The following GMNN variants were observed in gnomAD, a reference collection of about 807,000 sequenced individuals.
The protein encoded by GMNN is geminin.
GMNN carries 14 observed loss-of-function variants against 20.9 expected under a neutral mutation model. The observed-to-expected ratio is 0.67, with a 90% confidence interval of 0.44 to 1.05. The LOEUF (loss-of-function observed/expected upper bound fraction) is 1.05, where lower values mean the gene tolerates loss of function less well. GMNN is among the 50% of genes least tolerant of loss of function. The pLI is 0.00. For missense variants in GMNN, 227 were observed against 243.8 expected, an observed-to-expected ratio of 0.93 and a Z score of 0.46; for synonymous variants, 81 against 85.8, an observed-to-expected ratio of 0.94 and a Z score of 0.31.
At chr6:24,781,083 A>C (rs764574532) in intron 3 of GMNN, among the ~76,000 whole-genome samples, 19 of 152,064 alleles carry the variant, frequency 1.2e-4, no homozygotes, top group Middle Eastern at 3.2e-3. Context: ...CACACCTATA[A>C]TCTCAGCTGC....
chr6:24,778,127 G>A (rs910886314), intron 2 of GMNN, among the ~76,000 whole-genome samples: 1 of 152,150 alleles, frequency 6.6e-6, no homozygotes, highest in African/African-American at 2.4e-5. Context: ...ATTTAGCTAG[G>A]TCCTTCCACA....
At chr6:24,778,203 T>G (rs2245612) in intron 2 of GMNN, among the ~76,000 whole-genome samples, 151,398 of 152,310 alleles carry the variant, frequency 0.99, 75,246 homozygotes, top group Middle Eastern at 1. Flanking sequence ...CAATTTGCGG[T>G]TTTAAATAAA....
At position 24,774,948 on chromosome 6, in the gene GMNN, A is replaced by G. The variant is rs993187529; in HGVS notation, c.-322A>G. On this transcript the variant is annotated 5_prime_UTR_variant, in exon 1 of 7. Transcript: ENST00000230056. ...CGCCCCTCGTCTGCGTCAGTTGGTC[A>G]CGTGGTTGTTCGGAGCGGGCGAGCG... 1 of 152,260 alleles carries G rather than the reference A, an allele frequency of 6.6e-6. No individual in the cohort carries two copies. Among genetic ancestry groups the G allele is most frequent in the African/African-American group, 2.4e-5 (1 of 41,466 alleles). 9.4% of individuals were successfully genotyped at this position (152,260 alleles called of 1,614,324 possible).
chr6:24,781,513 G>T lies in GMNN; in HGVS notation c.166G>T (p.Asp56Tyr), dbSNP rs377097389. 1.9e-6 allele frequency: 3 copies of T among 1,596,892 alleles called. No homozygotes were observed. Among genetic ancestry groups the T allele is most frequent in the South Asian group, 2.2e-5 (2 of 89,798 alleles). The change falls in exon 4 of 7, where the codon GAC (aspartate) becomes TAC (tyrosine). Residue 56 changes from aspartate (D) to tyrosine (Y), a missense_variant. Coordinates refer to ENST00000230056, the MANE Select transcript of GMNN (RefSeq NM_015895.5). ...CTTGTCCAAAAGGAAACATCGGAATGACCACTTAACATCTACAACTTCCAG... is the reference window on the plus strand; with the variant it reads ...CTTGTCCAAAAGGAAACATCGGAATTACCACTTAACATCTACAACTTCCAG... ...AGLSKRKHRNDHLTSTTSSPG... is the reference protein window; with the variant it reads ...AGLSKRKHRNYHLTSTTSSPG...
intron 2 of GMNN, among the ~76,000 whole-genome samples, chr6:24,778,837 G>A (rs1780138961): frequency 6.6e-6 from 1 of 152,064 alleles, no homozygotes; most frequent in East Asian, 1.9e-4. Context: ...GGCCAATCTG[G>A]TTTCATCTAT....
chr6:24,784,590 G>A (rs777789042), intron 6 of GMNN, 36 bp downstream of exon 6: 1 of 897,130 alleles, frequency 1.1e-6, no homozygotes, highest in South Asian at 1.4e-5. Flanking sequence ...TCAAATTTAT[G>A]TATTTTTCTA....
rs201229321 is a variant in GMNN at position 24,785,635 on chromosome 6, A to G, written c.469-3A>G. On this transcript the variant is annotated splice_polypyrimidine_tract_variant and splice_region_variant and intron_variant, in intron 6 of 6. Coordinates refer to ENST00000230056, the MANE Select transcript of GMNN (RefSeq NM_015895.5). ...AATAAATTATTGGTTTATTCTTTAA[A>G]AGAGACTGAATGGTGAACCTCTGGA... 293 of 1,435,910 alleles carry G rather than the reference A, an allele frequency of 2.0e-4. No homozygotes were observed. The highest frequency in any genetic ancestry group is 2.3e-4 in the Non-Finnish European group (240 of 1,037,378). 88.9% of individuals were successfully genotyped at this position (1,435,910 alleles called of 1,614,324 possible). A position where few individuals can be genotyped will look rare whatever the true frequency, so the allele number is the denominator to read the frequency against.
chr6:24,780,537 G>A, intron 2 of GMNN, 126 bp from the exon 3 acceptor site: 1 of 587,532 alleles, frequency 1.7e-6, no homozygotes, highest in Non-Finnish European at 3.1e-6. Flanking sequence ...TGTTTGTGTT[G>A]TTAGTGTTCC....
Position 24,783,888 on chromosome 6 carries a change from T to C in GMNN, c.275-199T>C, listed in dbSNP as rs563527692. 4.6e-5 allele frequency among the ~76,000 whole-genome samples: 7 copies of C among 152,220 alleles called. No individual in the cohort carries two copies. The East Asian group carries it at 7.7e-4, about 17-fold the overall frequency. ...GGAAGATATATACGTATTGTACTTTTGTTGTAATTCTGAAGGATTGAAATC... is the reference window on the plus strand; with the variant it reads ...GGAAGATATATACGTATTGTACTTTCGTTGTAATTCTGAAGGATTGAAATC... On this transcript the variant is annotated intron_variant, in intron 4 of 6. Transcript: ENST00000230056.
intron 4 of GMNN, 110 bp downstream of exon 4, chr6:24,781,731 C>T (rs922884443): frequency 3.2e-5 from 16 of 493,664 alleles, no homozygotes; most frequent in African/African-American, 3.2e-4. Context: ...GATAGTATAA[C>T]AGCACTATAA....
intron 2 of GMNN, among the ~76,000 whole-genome samples, chr6:24,780,083 G>C (rs1296122130): frequency 6.6e-6 from 1 of 152,152 alleles, no homozygotes; most frequent in Admixed American, 6.5e-5. Flanking sequence ...TTTTGATTAG[G>C]GAAAGAAATA....
intron 4 of GMNN, among the ~76,000 whole-genome samples, chr6:24,782,090 G>C (rs1462184776): frequency 1.3e-5 from 2 of 149,616 alleles, no homozygotes; most frequent in East Asian, 1.9e-4. Context: ...GTCTCTGAAG[G>C]AAAAAAAAAG....
At chr6:24,785,546 AT>A in intron 6 of GMNN, 91 bp from the exon 7 acceptor site, 1 of 570,206 alleles carries the variant, frequency 1.8e-6, no homozygotes, top group Non-Finnish European at 3.0e-6. Context: ...TCATAGCTAT[AT>A]CAGTATGCTA....
At position 24,784,134 on chromosome 6, in the gene GMNN, A is replaced by G; in HGVS notation, c.322A>G (p.Lys108Glu). 1 of 1,535,584 alleles carries G rather than the reference A, an allele frequency of 6.5e-7. No homozygotes were observed. Among genetic ancestry groups the G allele is most frequent in the Non-Finnish European group, 9.0e-7 (1 of 1,110,334 alleles). ...YWKEVAEKRR[K>E]ALYEALKENE... ...GAAGGAAGTGGCAGAAAAACGGAGA[A>G]AGGCGCTGTATGAAGCACTTAAGGA... Residue 108 changes from lysine (K) to glutamate (E), a missense_variant, in exon 5 of 7, where the codon AAG becomes GAG. Physicochemically the swap from Lys to Glu is moderately conservative, Grantham distance 56. Transcript: ENST00000230056.
At chr6:24,776,998 A>C in intron 1 of GMNN, 1 of 297,062 alleles carries the variant, frequency 3.4e-6, no homozygotes, top group Non-Finnish European at 6.2e-6. Context: ...AAAATACATT[A>C]ATTTCATTTT....
chr6:24,777,400 C>T lies in GMNN; in HGVS notation c.51+103C>T, dbSNP rs150993920. The T allele has an allele frequency of 1.2e-3, 592 of 495,218 alleles. 8 individuals carry two copies. In the East Asian group the frequency reaches 0.02, roughly 16 times the overall value. 30.7% of individuals were successfully genotyped at this position (495,218 alleles called of 1,614,324 possible). On this transcript the variant is annotated intron_variant, in intron 2 of 6. Transcript: ENST00000230056. ...TTAGCCTGGCTATAATTTCTGTAAG[C>T]CTTGAGTTAGTCAGAGGATGAGTAA...
chr6:24,783,773 T>C (rs1007841279), intron 4 of GMNN, among the ~76,000 whole-genome samples: 13 of 152,012 alleles, frequency 8.6e-5, no homozygotes, highest in Non-Finnish European at 1.8e-4. Flanking sequence ...ACAAAATAAT[T>C]GATCTGGACT....
Position 24,777,306 on chromosome 6 carries a change from T to A in GMNN, c.51+9T>A. 1 of 1,097,466 alleles carries A rather than the reference T, an allele frequency of 9.1e-7. No homozygotes were observed. The highest frequency in any genetic ancestry group is 1.3e-6 in the Non-Finnish European group (1 of 757,404). 68.0% of individuals were successfully genotyped at this position (1,097,466 alleles called of 1,614,324 possible). On this transcript the variant is annotated intron_variant, in intron 2 of 6. Coordinates refer to ENST00000230056, the MANE Select transcript of GMNN (RefSeq NM_015895.5). Reference sequence around the variant, plus strand: ...TCAAAGAGAATATAAAGGTATGTGATTGAATAACTTTAATTTTTTTTTGTA... The same window carrying A: ...TCAAAGAGAATATAAAGGTATGTGAATGAATAACTTTAATTTTTTTTTGTA...
At chr6:24,775,790 A>C (rs1780051586) in intron 1 of GMNN, 1 of 152,186 alleles carries the variant, frequency 6.6e-6, no homozygotes, top group Non-Finnish European at 1.5e-5. Context: ...GAAGGATTAG[A>C]ATGCTAAGTG....
Sources: gnomAD v4.1 joint callset for allele counts (sites outside exome capture counted in the v4.1 genomes callset) on GRCh38, gnomAD v4.1.1 for gene constraint, MANE v1.5 for transcripts, NCBI Gene and HGNC (gene_info 2026-07-23, HGNC 2026-07-21) for gene names.